Variants in SUGCT observed in about 807,000 individuals in gnomAD.
SUGCT encodes succinyl-CoA:glutarate-CoA transferase, also known as succinyl-CoA:glutarate CoA-transferase.
A neutral mutation model predicts 55.0 loss-of-function variants in SUGCT; 41 were observed. The observed-to-expected ratio is 0.74, with a 90% CI of 0.58 to 0.97. SUGCT has a LOEUF of 0.97. Among genes scored for constraint, SUGCT ranks in the 50% least tolerant of loss-of-function variants. The pLI is 0.00. For missense variants in SUGCT, 568 were observed against 547.8 expected, an observed-to-expected ratio of 1.04 and a Z score of -0.37; for synonymous variants, 187 against 200.4, an observed-to-expected ratio of 0.93 and a Z score of 0.56.
intron 7 of SUGCT, among the ~76,000 whole-genome samples, chr7:40,251,406 T>A (rs573118739): frequency 2.6e-5 from 4 of 152,194 alleles, no homozygotes; most frequent in African/African-American, 7.2e-5. Context: ...CAACAATAAT[T>A]CCCCCAATTT....
intron 13 of SUGCT, among the ~76,000 whole-genome samples, chr7:40,762,180 T>C (rs762859099): frequency 6.6e-6 from 1 of 152,230 alleles, no homozygotes; most frequent in Non-Finnish European, 1.5e-5. Context: ...GCAGAAACTA[T>C]CCTGGGATCT....
At chr7:41,009,525 A>ACCAT in the SUGCT span, among the ~76,000 whole-genome samples, 1 of 150,158 alleles carries the variant, frequency 6.7e-6, no homozygotes, top group Non-Finnish European at 1.5e-5. Context: ...CCTTCCATCC[A>ACCAT]CCATCCATCC....
At chr7:40,641,947 A>G (rs1368186474) in intron 12 of SUGCT, among the ~76,000 whole-genome samples, 6 of 152,170 alleles carry the variant, frequency 3.9e-5, no homozygotes, top group Admixed American at 3.9e-4. Context: ...CTCACACTTT[A>G]AAGTGAGGTT....
chr7:40,951,437 T>A, the SUGCT span, among the ~76,000 whole-genome samples: 1 of 152,184 alleles, frequency 6.6e-6, no homozygotes, highest in Non-Finnish European at 1.5e-5. Flanking sequence ...TTGAAGGGTT[T>A]TTTGTGTCTG....
At chr7:40,886,810 T>C in the SUGCT span, among the ~76,000 whole-genome samples, 1 of 152,206 alleles carries the variant, frequency 6.6e-6, no homozygotes, top group Non-Finnish European at 1.5e-5. Context: ...ACCCCTGTAA[T>C]TCAGACCTAC....
intron 8 of SUGCT, among the ~76,000 whole-genome samples, chr7:40,306,692 T>A (rs1295982784): frequency 6.6e-6 from 1 of 152,216 alleles, no homozygotes; most frequent in Non-Finnish European, 1.5e-5. Flanking sequence ...AACAGAAGAC[T>A]TGCTATCACA....
chr7:40,295,582 T>TAAAG (rs1433928085), intron 8 of SUGCT, among the ~76,000 whole-genome samples: 8 of 122,364 alleles, frequency 6.5e-5, no homozygotes, highest in Admixed American at 2.4e-4. Context: ...TCTCCAAAAA[T>TAAAG]AAACAAACAA....
At chr7:40,373,524 ATC>A (rs1562725066) in intron 9 of SUGCT, among the ~76,000 whole-genome samples, 1 of 151,938 alleles carries the variant, frequency 6.6e-6, no homozygotes, top group Non-Finnish European at 1.5e-5. Flanking sequence ...AGTATTTTCA[ATC>A]TGAGAGTATA....
chr7:40,691,969 A>AT (rs1332918297), intron 12 of SUGCT, among the ~76,000 whole-genome samples: 1 of 152,194 alleles, frequency 6.6e-6, no homozygotes, highest in Non-Finnish European at 1.5e-5. Context: ...TATTTCATAG[A>AT]TAAACAGAGG....
At chr7:40,997,583 G>T in the SUGCT span, among the ~76,000 whole-genome samples, 1 of 152,110 alleles carries the variant, frequency 6.6e-6, no homozygotes, top group Non-Finnish European at 1.5e-5. Context: ...GCTTCACTTG[G>T]ATAATATTCA....
chr7:40,484,089 A>G (rs1314232864), intron 11 of SUGCT, among the ~76,000 whole-genome samples: 1 of 152,204 alleles, frequency 6.6e-6, no homozygotes, highest in Non-Finnish European at 1.5e-5. Context: ...GCTCAGAGAA[A>G]TTAAGCAACT....
chr7:40,229,763 G>A (rs1294153213), intron 6 of SUGCT, among the ~76,000 whole-genome samples: 1 of 147,034 alleles, frequency 6.8e-6, no homozygotes, highest in Non-Finnish European at 1.5e-5. Flanking sequence ...GCAGTGAGCC[G>A]AGATCGTGCA....
At chr7:40,613,614 A>ATT (rs34035338) in intron 12 of SUGCT, among the ~76,000 whole-genome samples, 2 of 144,884 alleles carry the variant, frequency 1.4e-5, no homozygotes, top group Admixed American at 6.9e-5. Flanking sequence ...CCTGCACCCA[A>ATT]TTTTTTTTTT....
At chr7:40,278,747 CCTT>C (rs901392801) in intron 8 of SUGCT, among the ~76,000 whole-genome samples, 11 of 151,976 alleles carry the variant, frequency 7.2e-5, no homozygotes, top group African/African-American at 2.7e-4. Context: ...ATGCTCTTGA[CCTT>C]CTTCCCTCTC....
chr7:40,437,538 T>C (rs552077317), intron 9 of SUGCT, among the ~76,000 whole-genome samples: 13 of 152,190 alleles, frequency 8.5e-5, no homozygotes, highest in Non-Finnish European at 1.0e-4. Flanking sequence ...ACTCCAGGGC[T>C]CATCTACCAT....
chr7:40,204,869 GGCTGCAGTGAGCTCTGATT>G (rs932741155), intron 6 of SUGCT, among the ~76,000 whole-genome samples: 9 of 152,096 alleles, frequency 5.9e-5, no homozygotes, highest in African/African-American at 9.7e-5. Flanking sequence ...AGGAGTTTGA[GGCTGCAGTGAGCTCTGATT>G]GCTGCAGTGA....
At chr7:40,708,731 C>T (rs1405328844) in intron 12 of SUGCT, among the ~76,000 whole-genome samples, 1 of 152,152 alleles carries the variant, frequency 6.6e-6, no homozygotes, top group African/African-American at 2.4e-5. Flanking sequence ...TCATAGCTTT[C>T]CTTACTGCAG....
chr7:40,231,886 G>C (rs1323307516), intron 6 of SUGCT, among the ~76,000 whole-genome samples: 1 of 152,136 alleles, frequency 6.6e-6, no homozygotes, highest in Non-Finnish European at 1.5e-5. Context: ...GATTGCTTGA[G>C]CCCAGGAGTT....
At chr7:40,416,806 A>G (rs1265920878) in intron 9 of SUGCT, among the ~76,000 whole-genome samples, 2 of 152,020 alleles carry the variant, frequency 1.3e-5, no homozygotes, top group East Asian at 3.8e-4. Context: ...ATTTTTAACT[A>G]TAGTCTGGAA....
Sources: allele counts gnomAD v4.1 joint callset (sites outside exome capture counted in the v4.1 genomes callset), GRCh38; gene constraint gnomAD v4.1.1; transcripts MANE v1.5; gene names NCBI Gene and HGNC (gene_info 2026-07-23, HGNC 2026-07-21).